USP53: variants seen among roughly 807,000 people sequenced by gnomAD.
The protein encoded by USP53 is ubiquitin carboxyl-terminal hydrolase 53.
A neutral mutation model predicts 94.9 loss-of-function variants in USP53; 71 were observed. The observed-to-expected ratio is 0.75, with a 90% confidence interval of 0.62 to 0.91. USP53 has a LOEUF of 0.91. Among genes scored for constraint, USP53 ranks in the 40% least tolerant of loss-of-function variants. USP53 has a pLI of 0.00. For synonymous variants in USP53, 375 were observed against 422.7 expected, an observed-to-expected ratio of 0.89 and a Z score of 1.39; for missense variants, 1,173 against 1,281.0, an observed-to-expected ratio of 0.92 and a Z score of 1.29.
Position 119,271,755 on chromosome 4 carries a change from A to T in USP53, c.1895A>T (p.Asn632Ile), listed in dbSNP as rs1751896405. The T allele has an allele frequency of 6.2e-7, 1 of 1,613,858 alleles. No individual in the cohort carries two copies. The change falls in exon 16 of 19, where the codon AAT (asparagine) becomes ATT (isoleucine). Residue 632 changes from asparagine (N) to isoleucine (I), a missense_variant. Asn to Ile is a moderately radical substitution (Grantham distance 149). Transcript: ENST00000692078. ...AGTTTTAGTAATTGGCCAAAAGAGA[A>T]TCCAAAGCAAAAAGGTTTAATGACC... ...DPSFSNWPKE[N>I]PKQKGLMTIY... is the part of the protein sequence containing the mutation.
At chr4:119,279,327 C>T (rs1753126631) in intron 17 of USP53, among the ~76,000 whole-genome samples, 1 of 147,528 alleles carries the variant, frequency 6.8e-6, no homozygotes, top group African/African-American at 2.6e-5. Context: ...ACAGACAGGA[C>T]CCTCAGCTGC....
chr4:119,232,162 TAAAAGTGTA>T (rs1746162099), intron 3 of USP53, among the ~76,000 whole-genome samples: 1 of 152,202 alleles, frequency 6.6e-6, no homozygotes, highest in South Asian at 2.1e-4. Context: ...ATTCACCCTT[TAAAAGTGTA>T]AAATTCAGTG....
At chr4:119,242,354 G>A (rs2149332363) in intron 5 of USP53, among the ~76,000 whole-genome samples, 1 of 152,272 alleles carries the variant, frequency 6.6e-6, no homozygotes, top group South Asian at 2.1e-4. Context: ...AACTTTGTTA[G>A]GCGGGACAGA....
intron 3 of USP53, among the ~76,000 whole-genome samples, chr4:119,235,011 G>T (rs528617291): frequency 6.6e-6 from 1 of 152,320 alleles, no homozygotes; most frequent in African/African-American, 2.4e-5. Context: ...TGTTAAAGCA[G>T]GGCTGTTATT....
At chr4:119,230,489 G>A (rs540844139) in intron 3 of USP53, among the ~76,000 whole-genome samples, 32 of 152,254 alleles carry the variant, frequency 2.1e-4, no homozygotes, top group Non-Finnish European at 4.0e-4. Context: ...ATGACCTAAT[G>A]CCTTAGTGTC....
rs1378248027 is a variant in USP53, at chr4:119,292,866, GA to G, written c.2879del (p.Lys960SerfsTer4). ...EVFKATSHLP[K>X]HSLSTASEPS... ...TGTTTAAAGCTACCTCTCATCTTCC[GA>G]AGCACAGTTTAAGTACAGCTTCAGA... On this transcript the variant is annotated frameshift_variant, in exon 19 of 19. Coordinates refer to ENST00000692078, the MANE Select transcript of USP53 (RefSeq NM_001371395.1). LOFTEE classifies it low-confidence loss of function (END_TRUNC). 6.2e-7 allele frequency: 1 copy of G among 1,613,910 alleles called. No individual in the cohort carries two copies. Among genetic ancestry groups the G allele is most frequent in the African/African-American group, 1.3e-5 (1 of 74,890 alleles).
At chr4:119,273,586 G>A in intron 16 of USP53, 46 bp from the exon 17 acceptor site, 1 of 1,438,952 alleles carries the variant, frequency 6.9e-7, no homozygotes, top group South Asian at 1.2e-5. Context: ...CTAAACAAAG[G>A]CAGTCCATAA....
chr4:119,241,360 T>G (rs1382692772), intron 5 of USP53, among the ~76,000 whole-genome samples: 1 of 152,222 alleles, frequency 6.6e-6, no homozygotes, highest in African/African-American at 2.4e-5. Flanking sequence ...ACATTCCATC[T>G]GATATCCTTT....
chr4:119,270,776 C>G (rs747864185), intron 15 of USP53, among the ~76,000 whole-genome samples: 9 of 152,056 alleles, frequency 5.9e-5, no homozygotes, highest in Non-Finnish European at 1.3e-4. Context: ...TCACACATAC[C>G]TTTATACGTT....
intron 17 of USP53, among the ~76,000 whole-genome samples, chr4:119,290,645 C>A (rs1271867040): frequency 6.6e-6 from 1 of 152,032 alleles, no homozygotes; most frequent in Non-Finnish European, 1.5e-5. Context: ...ATCATAATAA[C>A]CTCCTACCAA....
intron 9 of USP53, among the ~76,000 whole-genome samples, chr4:119,257,651 CTTTA>C (rs1301121728): frequency 6.6e-6 from 1 of 152,050 alleles, no homozygotes; most frequent in Non-Finnish European, 1.5e-5. Context: ...ATCTTCCTGG[CTTTA>C]TTGAGTATAA....
chr4:119,224,660 A>C (rs111356964), intron 3 of USP53, among the ~76,000 whole-genome samples: 7,041 of 152,326 alleles, frequency 0.046, 232 homozygotes, highest in Middle Eastern at 0.088. Flanking sequence ...GGCAATCTGC[A>C]TAAGAGTGCC....
At position 119,248,841 on chromosome 4, in the gene USP53, C is replaced by G. The variant is rs767460503; in HGVS notation, c.331C>G (p.Arg111Gly). ...ALAESFKDEQ[R>G]FQLGLMDDAA... ...TGCAGAAAGTTTCAAAGATGAGCAG[C>G]GATTTCAACTTGGCCTTATGGATGA... Residue 111 changes from arginine to glycine, a missense_variant, in exon 7 of 19, where the codon CGA becomes GGA. Coordinates refer to ENST00000692078, the MANE Select transcript of USP53 (RefSeq NM_001371395.1). The G allele has an allele frequency of 1.2e-6, 2 of 1,614,028 alleles. No individual in the cohort carries two copies. Among genetic ancestry groups the G allele is most frequent in the Non-Finnish European group, 1.7e-6 (2 of 1,180,012 alleles).
intron 3 of USP53, among the ~76,000 whole-genome samples, chr4:119,226,028 C>A (rs1285694956): frequency 3.3e-5 from 5 of 152,000 alleles, no homozygotes; most frequent in Non-Finnish European, 7.4e-5. Context: ...AAAGTTTTGA[C>A]AAAATTCAAC....
At chr4:119,227,563 G>A (rs920360956) in intron 3 of USP53, among the ~76,000 whole-genome samples, 2 of 152,162 alleles carry the variant, frequency 1.3e-5, no homozygotes, top group South Asian at 2.1e-4. Flanking sequence ...CCCGGGAGGC[G>A]GAGCTTGCAG....
intron 3 of USP53, among the ~76,000 whole-genome samples, chr4:119,233,886 G>T (rs922906970): frequency 6.6e-6 from 1 of 152,174 alleles, no homozygotes; most frequent in African/African-American, 2.4e-5. Context: ...GTGTCTTTGT[G>T]TAATTTCATG....
chr4:119,273,610 TAG>T lies in USP53; in HGVS notation c.2175-21_2175-20del. On this transcript the variant is annotated intron_variant, in intron 16 of 18. Transcript: ENST00000692078. ...GGCAGTCCATAATACCTGATGTGTT[TAG>T]TGTGTATTTTATTTTCTAGTGACCA... The T allele has an allele frequency of 6.3e-7, 1 of 1,599,492 alleles. No homozygotes were observed. The highest frequency in any genetic ancestry group is 8.6e-7 in the Non-Finnish European group (1 of 1,168,166).
At chr4:119,261,126 A>T (rs778236128) in intron 11 of USP53, among the ~76,000 whole-genome samples, 11 of 151,502 alleles carry the variant, frequency 7.3e-5, no homozygotes, top group Non-Finnish European at 1.0e-4. Flanking sequence ...TACCCAGCTA[A>T]TTTTTTGTAT....
intron 7 of USP53, among the ~76,000 whole-genome samples, chr4:119,253,861 G>A (rs1015325387): frequency 1.3e-5 from 2 of 152,162 alleles, no homozygotes; most frequent in Non-Finnish European, 2.9e-5. Flanking sequence ...GGTACCGGTT[G>A]TTCCTATCCA....
Sources: allele counts gnomAD v4.1 joint callset (sites outside exome capture counted in the v4.1 genomes callset), GRCh38; gene constraint gnomAD v4.1.1; transcripts MANE v1.5; gene names NCBI Gene and HGNC (gene_info 2026-07-23, HGNC 2026-07-21).